Variants in SNTG1 observed in about 807,000 individuals in gnomAD.
SNTG1 encodes the protein gamma-1-syntrophin.
SNTG1 carries 39 observed loss-of-function variants against 74.7 expected under a neutral mutation model. That is an observed-to-expected ratio of 0.52 (90% confidence interval 0.40 to 0.68). The LOEUF (loss-of-function observed/expected upper bound fraction) is 0.68. Ranked by LOEUF, SNTG1 falls within the 30% of genes least tolerant of loss-of-function variation. SNTG1 has a pLI of 0.00. For synonymous variants in SNTG1, 254 were observed against 217.1 expected, an observed-to-expected ratio of 1.17 and a Z score of -1.49; for missense variants, 685 against 609.5, an observed-to-expected ratio of 1.12 and a Z score of -1.30.
At chr8:50,655,623 T>C (rs533418724) in intron 13 of SNTG1, among the ~76,000 whole-genome samples, 1 of 152,326 alleles carries the variant, frequency 6.6e-6, no homozygotes, top group African/African-American at 2.4e-5. Flanking sequence ...AGGCTTATTG[T>C]AAGACAAACT....
Position 50,325,502 on chromosome 8 carries a change from T to G in SNTG1, c.-27-68710T>G, listed in dbSNP as rs1372451742. Among the ~76,000 whole-genome samples, 4 of 152,196 alleles carry G rather than the reference T, an allele frequency of 2.6e-5. No homozygotes were observed. The East Asian group carries it at 7.7e-4, about 29-fold the overall frequency. The stretch of plus-strand genomic sequence containing the variant: ...ATGTAAATGATATTGCATCTTTAAT[T>G]TCAAACTGCACTAGGTCATTCATGG... On this transcript the variant is annotated intron_variant, in intron 2 of 18. Coordinates refer to ENST00000642720, the MANE Select transcript of SNTG1 (RefSeq NM_018967.5).
chr8:50,551,679 T>C (rs1232133016), intron 11 of SNTG1, among the ~76,000 whole-genome samples: 1 of 152,322 alleles, frequency 6.6e-6, no homozygotes, highest in South Asian at 2.1e-4. Flanking sequence ...TCATTCAATG[T>C]GTATGCTGTC....
intron 2 of SNTG1, among the ~76,000 whole-genome samples, chr8:50,253,698 C>T (rs890861195): frequency 4.6e-5 from 7 of 151,496 alleles, no homozygotes; most frequent in Non-Finnish European, 8.8e-5. Context: ...TATATAAATA[C>T]ACATATATGT....
intron 1 of SNTG1, among the ~76,000 whole-genome samples, chr8:50,127,483 G>A (rs922823689): frequency 6.6e-6 from 1 of 152,014 alleles, no homozygotes; most frequent in Non-Finnish European, 1.5e-5. Context: ...CTGGCCCACC[G>A]CCCAGTGGGT....
chr8:50,578,822 A>T (rs1180249337), intron 12 of SNTG1, among the ~76,000 whole-genome samples: 1 of 152,144 alleles, frequency 6.6e-6, no homozygotes, highest in Non-Finnish European at 1.5e-5. Flanking sequence ...AGTCAATTAA[A>T]TCTGTCTTCT....
At chr8:50,304,864 T>C (rs1318569613) in intron 2 of SNTG1, among the ~76,000 whole-genome samples, 1 of 152,160 alleles carries the variant, frequency 6.6e-6, no homozygotes, top group African/African-American at 2.4e-5. Context: ...TCTGTTAGAT[T>C]CCTCGAGTTG....
At chr8:50,351,709 G>T (rs1325704647) in intron 2 of SNTG1, among the ~76,000 whole-genome samples, 1 of 152,204 alleles carries the variant, frequency 6.6e-6, no homozygotes, top group Admixed American at 6.5e-5. Flanking sequence ...ACAAAGAGCA[G>T]AGAACAGCTG....
intron 1 of SNTG1, among the ~76,000 whole-genome samples, chr8:50,082,699 C>CAAA (rs1822522197): frequency 6.6e-6 from 1 of 152,210 alleles, no homozygotes; most frequent in South Asian, 2.1e-4. Flanking sequence ...CTGGCTTTTA[C>CAAA]CTCCAATAGG....
At chr8:50,376,752 T>TAG (rs1209571081) in intron 2 of SNTG1, among the ~76,000 whole-genome samples, 591 of 100,750 alleles carry the variant, frequency 5.9e-3, no homozygotes, top group Middle Eastern at 0.012. Context: ...TATATATATA[T>TAG]ATATAGAGAG....
intron 2 of SNTG1, among the ~76,000 whole-genome samples, chr8:50,355,806 A>G (rs768636706): frequency 6.6e-5 from 10 of 152,172 alleles, no homozygotes; most frequent in Non-Finnish European, 1.0e-4. Context: ...TTTAGCTTCA[A>G]CTATCCCAAC....
At chr8:50,398,640 T>C (rs746368328) in intron 3 of SNTG1, among the ~76,000 whole-genome samples, 14 of 152,134 alleles carry the variant, frequency 9.2e-5, no homozygotes, top group Non-Finnish European at 1.9e-4. Flanking sequence ...TCGAAGTAAA[T>C]ACGAGGCCGA....
chr8:50,690,085 G>C (rs184430849), intron 15 of SNTG1, among the ~76,000 whole-genome samples: 48 of 152,140 alleles, frequency 3.2e-4, no homozygotes, highest in Admixed American at 2.6e-4. Context: ...CTGTGGGATC[G>C]GTGGTGATAT....
At chr8:50,536,839 T>A (rs2130405426) in intron 11 of SNTG1, 31 bp downstream of exon 11, 1 of 1,606,302 alleles carries the variant, frequency 6.2e-7, no homozygotes, top group South Asian at 1.1e-5. Flanking sequence ...TATGACTGTT[T>A]TGTTTATGAA....
chr8:50,789,408 C>A (rs2095685036), intron 18 of SNTG1, among the ~76,000 whole-genome samples: 1 of 151,960 alleles, frequency 6.6e-6, no homozygotes, highest in South Asian at 2.1e-4. Flanking sequence ...CTATCCTGCA[C>A]ACCTTGATCT....
At chr8:50,273,553 A>C (rs545044595) in intron 2 of SNTG1, among the ~76,000 whole-genome samples, 1 of 152,344 alleles carries the variant, frequency 6.6e-6, no homozygotes, top group East Asian at 1.9e-4. Flanking sequence ...CATTATGAAT[A>C]AAATTGAAAG....
intron 13 of SNTG1, among the ~76,000 whole-genome samples, chr8:50,650,322 TTAA>T (rs2095137075): frequency 6.6e-6 from 1 of 152,106 alleles, no homozygotes; most frequent in Non-Finnish European, 1.5e-5. Context: ...ATTTATTTAA[TTAA>T]TAAATTTAGA....
intron 9 of SNTG1, among the ~76,000 whole-genome samples, chr8:50,518,582 G>A (rs1344447198): frequency 6.6e-6 from 1 of 151,952 alleles, no homozygotes; most frequent in East Asian, 1.9e-4. Context: ...AGAAAAGAGA[G>A]AAGAATCAAA....
chr8:50,665,805 G>C (rs2095248184), intron 15 of SNTG1, among the ~76,000 whole-genome samples: 1 of 152,050 alleles, frequency 6.6e-6, no homozygotes, highest in Admixed American at 6.6e-5. Flanking sequence ...AAACCATTAA[G>C]TCTATCTTCA....
intron 2 of SNTG1, among the ~76,000 whole-genome samples, chr8:50,199,846 A>T (rs1375339630): frequency 6.6e-6 from 1 of 152,072 alleles, no homozygotes; most frequent in South Asian, 2.1e-4. Context: ...CAGTGATTTG[A>T]TCTGTAGGGA....
Sources: gnomAD v4.1 joint callset for allele counts (sites outside exome capture counted in the v4.1 genomes callset) on GRCh38, gnomAD v4.1.1 for gene constraint, MANE v1.5 for transcripts, NCBI Gene and HGNC (gene_info 2026-07-23, HGNC 2026-07-21) for gene names.